The following BLK variants were observed in gnomAD, a reference collection of about 807,000 sequenced individuals.
BLK encodes BLK proto-oncogene, Src family tyrosine kinase, also known as tyrosine-protein kinase Blk.
A neutral mutation model predicts 61.8 loss-of-function variants in BLK; 64 were observed. The observed-to-expected ratio is 1.03, with a 90% CI of 0.85 to 1.27. The LOEUF is 1.27. BLK is among the 50% of genes most tolerant of loss of function. BLK has a pLI of 0.00. For missense variants in BLK, 853 were observed against 660.5 expected (o/e 1.29, Z -3.19); for synonymous variants, 351 against 272.0 (o/e 1.29, Z -2.86).
At chr8:11,550,688 T>G (rs1378301613) in intron 6 of BLK, among the ~76,000 whole-genome samples, 6 of 152,368 alleles carry the variant, frequency 3.9e-5, no homozygotes, top group Admixed American at 1.3e-4. Context: ...AAGTGGCCTG[T>G]GCCGTGATGT....
At chr8:11,548,472 T>C (rs1365456302) in intron 4 of BLK, among the ~76,000 whole-genome samples, 1 of 152,084 alleles carries the variant, frequency 6.6e-6, no homozygotes, top group Non-Finnish European at 1.5e-5. Flanking sequence ...GCCAGTTGTG[T>C]CCATATTTGT....
At chr8:11,555,003 T>C in intron 7 of BLK, 114 bp downstream of exon 7, 2 of 1,481,682 alleles carry the variant, frequency 1.3e-6, no homozygotes, top group Non-Finnish European at 1.8e-6. Flanking sequence ...GGAAAGATTA[T>C]CCCAAAGTTA....
intron 9 of BLK, 67 bp downstream of exon 9, chr8:11,556,904 G>C (rs1416565301): frequency 2.6e-6 from 4 of 1,532,008 alleles, no homozygotes; most frequent in Non-Finnish European, 3.5e-6. Context: ...AGGAGGAGGA[G>C]GGTCCGCTGC....
chr8:11,522,120 G>C (rs1305724123), intron 1 of BLK, among the ~76,000 whole-genome samples: 1 of 151,948 alleles, frequency 6.6e-6, no homozygotes, highest in Non-Finnish European at 1.5e-5. Context: ...CTCCATACAA[G>C]TTTGCACATA....
chr8:11,515,948 G>T (rs1048894542), intron 1 of BLK, among the ~76,000 whole-genome samples: 1 of 152,252 alleles, frequency 6.6e-6, no homozygotes, highest in African/African-American at 2.4e-5. Flanking sequence ...GGAGGCTTTT[G>T]TATCCTGGTG....
intron 1 of BLK, among the ~76,000 whole-genome samples, chr8:11,538,500 G>T (rs1554449180): frequency 6.6e-6 from 1 of 152,214 alleles, no homozygotes; most frequent in Non-Finnish European, 1.5e-5. Flanking sequence ...GGACAGAAGT[G>T]TAAGTAGTGG....
chr8:11,553,776 T>C (rs1281979627), intron 6 of BLK, among the ~76,000 whole-genome samples: 1 of 151,852 alleles, frequency 6.6e-6, no homozygotes, highest in Non-Finnish European at 1.5e-5. Flanking sequence ...CTTTTGCAAG[T>C]AGGTGATGAG....
At chr8:11,541,840 C>G (rs1423945231) in intron 1 of BLK, among the ~76,000 whole-genome samples, 1 of 152,160 alleles carries the variant, frequency 6.6e-6, no homozygotes, top group African/African-American at 2.4e-5. Context: ...CCCTAAATCT[C>G]TGAAAACTGA....
rs986748368 is a variant in BLK at position 11,564,458 on chromosome 8, C to T, written c.*350C>T. 2 of 550,162 alleles carry T rather than the reference C, an allele frequency of 3.6e-6. No individual in the cohort carries two copies. Among genetic ancestry groups the T allele is most frequent in the Middle Eastern group, 2.7e-4 (1 of 3,644 alleles). The allele number at this position is 550,162 out of a possible 1,614,324, so 34.1% of individuals were successfully genotyped here. On this transcript the variant is annotated 3_prime_UTR_variant, in exon 13 of 13. Transcript: ENST00000259089. ...GCACCCCCCGTGCTGGCCGCGTCCC[C>T]GCCTCTGCGCCCTGCGTGGACCCCG...
intron 1 of BLK, among the ~76,000 whole-genome samples, chr8:11,510,514 T>A (rs1798955573): frequency 6.6e-6 from 1 of 152,136 alleles, no homozygotes; most frequent in Non-Finnish European, 1.5e-5. Context: ...AAATTTGGCA[T>A]GTTTGTGATA....
intron 1 of BLK, among the ~76,000 whole-genome samples, chr8:11,512,741 G>A (rs952406020): frequency 5.9e-5 from 9 of 152,106 alleles, no homozygotes; most frequent in Non-Finnish European, 1.3e-4. Context: ...TCGGCTCACC[G>A]CAACCTCCCC....
chr8:11,557,505 C>T (rs1290337599), intron 9 of BLK, among the ~76,000 whole-genome samples: 2 of 152,228 alleles, frequency 1.3e-5, no homozygotes, highest in Admixed American at 6.5e-5. Flanking sequence ...CTGCATTTGT[C>T]CCCTGCACCA....
rs79430752 is a variant in BLK at position 11,533,570 on chromosome 8, T to C, written c.-1-9654T>C. On this transcript the variant is annotated intron_variant, in intron 1 of 12. Transcript: ENST00000259089. ...AATCTCTCTTCTGTGCTTCAGTTTC[T>C]TCCCTGTCTGCCGGAGGAGGAGGAG... Among the ~76,000 whole-genome samples, 9 of 146,458 alleles carry C rather than the reference T, an allele frequency of 6.1e-5. No homozygotes were observed. The East Asian group carries it at 1.8e-3, about 29-fold the overall frequency.
At chr8:11,549,157 T>C in intron 5 of BLK, 35 bp downstream of exon 5, 1 of 1,545,374 alleles carries the variant, frequency 6.5e-7, no homozygotes. Flanking sequence ...CGAGCCAAGA[T>C]GCAGTCACTG....
intron 1 of BLK, among the ~76,000 whole-genome samples, chr8:11,526,441 G>A: frequency 6.6e-6 from 1 of 152,130 alleles, no homozygotes; most frequent in East Asian, 1.9e-4. Flanking sequence ...TATTCTGGCT[G>A]GACTTGGTGG....
intron 1 of BLK, among the ~76,000 whole-genome samples, chr8:11,513,382 A>C (rs1346211525): frequency 2.0e-5 from 3 of 152,226 alleles, no homozygotes; most frequent in Non-Finnish European, 4.4e-5. Flanking sequence ...AAGAGAAACC[A>C]GAGCATCATT....
At chr8:11,519,200 A>G (rs771913975) in intron 1 of BLK, among the ~76,000 whole-genome samples, 1 of 152,158 alleles carries the variant, frequency 6.6e-6, no homozygotes, top group African/African-American at 2.4e-5. Flanking sequence ...GGGATAATGG[A>G]TTCCTCAAAG....
intron 6 of BLK, among the ~76,000 whole-genome samples, chr8:11,553,905 G>C (rs564873600): frequency 4.6e-5 from 7 of 152,184 alleles, no homozygotes; most frequent in Non-Finnish European, 8.8e-5. Flanking sequence ...TCCACAACGA[G>C]AACGAGGGGT....
In BLK at chr8:11,554,835, A is replaced by T; in HGVS notation, c.565A>T (p.Ile189Phe). Reference sequence around the variant, plus strand: ...CTGCCTGGATGAAGGGGGCTACTACATCTCCCCCCGGATCACCTTCCCCTC... The same window carrying T: ...CTGCCTGGATGAAGGGGGCTACTACTTCTCCCCCCGGATCACCTTCCCCTC... ...IRCLDEGGYY[I>F]SPRITFPSLQ... Residue 189 changes from isoleucine to phenylalanine, a missense_variant, in exon 7 of 13, where the codon ATC (isoleucine) becomes TTC (phenylalanine). Coordinates refer to ENST00000259089, the MANE Select transcript of BLK (RefSeq NM_001715.3). 1 of 1,613,736 alleles carries T rather than the reference A, an allele frequency of 6.2e-7. No individual in the cohort carries two copies.
Sources: allele counts gnomAD v4.1 joint callset (sites outside exome capture counted in the v4.1 genomes callset), GRCh38; gene constraint gnomAD v4.1.1; transcripts MANE v1.5; gene names NCBI Gene and HGNC (gene_info 2026-07-23, HGNC 2026-07-21).